Variants in HIPK2 observed in about 807,000 individuals in gnomAD.
The protein encoded by HIPK2 is homeodomain interacting protein kinase 2.
Under a neutral mutation model 113.7 loss-of-function variants are expected in HIPK2, and 27 were observed. The observed-to-expected ratio is 0.24, with a 90% CI of 0.17 to 0.33. The LOEUF is 0.33. HIPK2 is among the 10% of genes least tolerant of loss of function. HIPK2 has a pLI of 1.00. For missense variants in HIPK2, 1,257 were observed against 1,588.0 expected (o/e 0.79, Z 3.54); for synonymous variants, 631 against 642.2 (o/e 0.98, Z 0.26).
At chr7:139,754,355 T>C (rs1041337998) in intron 1 of HIPK2, among the ~76,000 whole-genome samples, 1 of 152,178 alleles carries the variant, frequency 6.6e-6, no homozygotes, top group Non-Finnish European at 1.5e-5. Context: ...TGAACAGAAC[T>C]GAGGGCCATC....
intron 13 of HIPK2, among the ~76,000 whole-genome samples, chr7:139,583,149 A>G (rs1178095454): frequency 6.6e-6 from 1 of 152,236 alleles, no homozygotes; most frequent in Non-Finnish European, 1.5e-5. Flanking sequence ...ACATTCTTCC[A>G]CTGTGAGCAT....
At chr7:139,583,767 A>G in intron 13 of HIPK2, 50 bp downstream of exon 13, 2 of 1,580,218 alleles carry the variant, frequency 1.3e-6, no homozygotes, top group Non-Finnish European at 1.7e-6. Context: ...GAAAAGCAGG[A>G]AAACCACTCT....
intron 13 of HIPK2, among the ~76,000 whole-genome samples, chr7:139,581,458 AG>A (rs1157432103): frequency 1.3e-5 from 2 of 152,114 alleles, no homozygotes; most frequent in African/African-American, 2.4e-5. Flanking sequence ...GTTTGTCTTA[AG>A]CCAGTGTAGA....
chr7:139,716,593 C>T lies in HIPK2; in HGVS notation c.442G>A (p.Glu148Lys), dbSNP rs542490482. The change falls in exon 2 of 15, where the codon GAG (glutamate) becomes AAG (lysine). Residue 148 changes from glutamate to lysine, a missense_variant. Around this residue, in one of 5 missense-constraint regions of HIPK2, gnomAD observed 209 missense variants for 237.8 expected, o/e 0.88. Transcript: ENST00000406875. This position sits in a 1 kb window ranked among gnomAD's most constrained non-coding sequence, Gnocchi z 9.3. ...IENTSSVQII[E>K]EHPPMIQNNA... ...TTCTGAATCATGGGTGGATGCTCCT[C>T]GATGATCTGCACGCTGCTTGTGTTC... The T allele has an allele frequency of 1.2e-5, 20 of 1,613,960 alleles. No individual in the cohort carries two copies. The highest frequency in any genetic ancestry group is 1.4e-5 in the Non-Finnish European group (17 of 1,179,896).
intron 2 of HIPK2, among the ~76,000 whole-genome samples, chr7:139,682,453 G>A (rs1375405621): frequency 1.3e-5 from 2 of 152,226 alleles, no homozygotes; most frequent in Non-Finnish European, 2.9e-5. Flanking sequence ...AGAGATGTCA[G>A]TTCCACCTTC....
rs1001634042 is a variant in HIPK2 at position 139,566,327 on chromosome 7, G to A, written c.*6600C>T. ...CCTCCTCGCCCCTCAAGAGTTGTGT[G>A]GCTCTGGGCAGTTTCCTTGGCTGTA... On this transcript the variant is annotated 3_prime_UTR_variant, in exon 15 of 15. Transcript: ENST00000406875. This position sits in a 1 kb window ranked among gnomAD's most constrained non-coding sequence, Gnocchi z 4.1. 6.6e-6 allele frequency: 1 copy of A among 152,212 alleles called. No individual in the cohort carries two copies. The highest frequency in any genetic ancestry group is 1.5e-5 in the Non-Finnish European group (1 of 68,060). The allele number at this position is 152,212 out of a possible 1,614,324, so 9.4% of individuals were successfully genotyped here.
intron 1 of HIPK2, among the ~76,000 whole-genome samples, chr7:139,760,626 G>A (rs999199897): frequency 6.6e-6 from 1 of 151,986 alleles, no homozygotes; most frequent in Non-Finnish European, 1.5e-5. Flanking sequence ...ATAGGTTAAA[G>A]AAAAAATAAA....
rs141454613 is a variant in HIPK2 at position 139,588,452 on chromosome 7, G to A, written c.2718-4388C>T. On this transcript the variant is annotated intron_variant, in intron 12 of 14. Transcript: ENST00000406875. ...GAATTGCTTGAACCCAGGAGGTGAG[G>A]TTGTAGTGAGCTGAGATCACACCAC... Among the ~76,000 whole-genome samples the A allele has an allele frequency of 5.6e-3, 844 of 151,442 alleles. 11 individuals carry two copies. The highest frequency in any genetic ancestry group is 0.02 in the African/African-American group (804 of 41,166).
chr7:139,730,095 C>T (rs1435016244), intron 1 of HIPK2, among the ~76,000 whole-genome samples: 1 of 152,186 alleles, frequency 6.6e-6, no homozygotes, highest in Non-Finnish European at 1.5e-5. Context: ...AAGTCTAAAT[C>T]AAGACTAAAA....
Position 139,668,142 on chromosome 7 carries a change from A to AG in HIPK2, c.1104-36418_1104-36417insC, listed in dbSNP as rs1314876655. The stretch of plus-strand genomic sequence containing the variant: ...ACTCCATCTCAAAAAAAAAAAAAAA[A>AG]AGCAAGCAAGCAAGCAGTTACCTGC... On this transcript the variant is annotated intron_variant, in intron 2 of 14. Coordinates refer to ENST00000406875, the MANE Select transcript of HIPK2 (RefSeq NM_022740.5). Among the ~76,000 whole-genome samples, 150 of 151,518 alleles carry AG rather than the reference A, an allele frequency of 9.9e-4. 1 individual carries two copies. Among genetic ancestry groups the AG allele is most frequent in the Middle Eastern group, 3.4e-3 (1 of 294 alleles).
At chr7:139,763,038 G>C (rs1796493986) in intron 1 of HIPK2, among the ~76,000 whole-genome samples, 1 of 152,220 alleles carries the variant, frequency 6.6e-6, no homozygotes, top group Non-Finnish European at 1.5e-5. Flanking sequence ...CTGCCAGGCA[G>C]GAGAACATTC....
At chr7:139,578,158 C>A (rs2116502856) in intron 13 of HIPK2, among the ~76,000 whole-genome samples, 1 of 151,996 alleles carries the variant, frequency 6.6e-6, no homozygotes, top group East Asian at 1.9e-4. Context: ...TACAGGCGCC[C>A]ACTGCCACAC....
intron 6 of HIPK2, among the ~76,000 whole-genome samples, chr7:139,625,959 C>T (rs1018867041): frequency 2.0e-5 from 3 of 152,162 alleles, no homozygotes; most frequent in East Asian, 1.9e-4. Flanking sequence ...CAGAGACTAC[C>T]GTTTCGGGCA....
At chr7:139,669,412 C>G (rs529943769) in intron 2 of HIPK2, among the ~76,000 whole-genome samples, 1 of 152,254 alleles carries the variant, frequency 6.6e-6, no homozygotes, top group East Asian at 1.9e-4. Context: ...CCCGTTTTTT[C>G]TTTTGTAGAC....
At position 139,569,247 on chromosome 7, in the gene HIPK2, G is replaced by C. The variant is rs1030599218; in HGVS notation, c.*3680C>G. Reference sequence around the variant, plus strand: ...CTGGGTGGTGTGGTGAAATTTCCTGGGGAAGGTACCACCTGCCAGTCACTC... The same window carrying C: ...CTGGGTGGTGTGGTGAAATTTCCTGCGGAAGGTACCACCTGCCAGTCACTC... On this transcript the variant is annotated 3_prime_UTR_variant, in exon 15 of 15. Transcript: ENST00000406875. 2 of 152,220 alleles carry C rather than the reference G, an allele frequency of 1.3e-5. No individual in the cohort carries two copies. The highest frequency in any genetic ancestry group is 2.9e-5 in the Non-Finnish European group (2 of 68,094). The allele number at this position is 152,220 out of a possible 1,614,324, so 9.4% of individuals were successfully genotyped here.
In HIPK2 at chr7:139,699,026, A is replaced by G. The variant is rs1569476737; in HGVS notation, c.1103+16906T>C. On this transcript the variant is annotated intron_variant, in intron 2 of 14. Transcript: ENST00000406875. ...AAGGACGGGTATAATAAATAATAAA[A>G]ACGACGACCCACGCAGAGCACACAG... 1.3e-5 allele frequency among the ~76,000 whole-genome samples: 2 copies of G among 151,268 alleles called. 1 individual carries two copies. The highest frequency in any genetic ancestry group is 1.3e-4 in the Admixed American group (2 of 15,164).
Position 139,613,373 on chromosome 7 carries a change from C to T in HIPK2, c.1991-50G>A, listed in dbSNP as rs1210673325. On this transcript the variant is annotated intron_variant, in intron 8 of 14. Transcript: ENST00000406875. The surrounding 1 kb of genome is among the most constrained non-coding windows in gnomAD (Gnocchi z 4.2). ...GAAGGGTTAGCTGAGACGCTGTGAA[C>T]AGCTGGATGAAAAGAACCTTCCTGG... 6.2e-7 allele frequency: 1 copy of T among 1,600,534 alleles called. No individual in the cohort carries two copies. The highest frequency in any genetic ancestry group is 8.5e-7 in the Non-Finnish European group (1 of 1,173,270).
At chr7:139,670,202 C>T (rs1381507221) in intron 2 of HIPK2, among the ~76,000 whole-genome samples, 2 of 152,006 alleles carry the variant, frequency 1.3e-5, no homozygotes, top group East Asian at 1.9e-4. Flanking sequence ...TTTTTCCGGG[C>T]GGGTTGGGGT....
chr7:139,716,414 T>G lies in HIPK2; in HGVS notation c.621A>C (p.Arg207=). 2 of 1,613,974 alleles carry G rather than the reference T, an allele frequency of 1.2e-6. No individual in the cohort carries two copies. Among genetic ancestry groups the G allele is most frequent in the Non-Finnish European group, 1.7e-6 (2 of 1,179,912 alleles). Residue 207 remains arginine, a synonymous_variant, in exon 2 of 15, where the codon CGA becomes CGC. Transcript: ENST00000406875. This position sits in a 1 kb window ranked among gnomAD's most constrained non-coding sequence, Gnocchi z 9.3. ...NTYEVLEFLG[R]GTFGQVVKCW... ...ACTTGACCACTTGCCCAAACGTCCC[T>G]CGGCCCAAGAACTCTAAGACCTCGT... is the stretch of plus-strand genomic sequence containing the variant.
Sources: allele counts gnomAD v4.1 joint callset (sites outside exome capture counted in the v4.1 genomes callset), GRCh38; gene constraint gnomAD v4.1.1; regional missense constraint gnomAD v4.1.1; non-coding constraint Gnocchi (gnomAD v3.1); transcripts MANE v1.5; gene names NCBI Gene and HGNC (gene_info 2026-07-23, HGNC 2026-07-21).